The following ZMYND11 variants were observed in gnomAD, a reference collection of about 807,000 sequenced individuals.
ZMYND11 encodes the protein zinc finger MYND-type containing 11, also known as zinc finger MYND domain-containing protein 11.
ZMYND11 carries 9 observed loss-of-function variants against 84.9 expected under a neutral mutation model. That is an observed-to-expected ratio of 0.11 (90% CI 0.06 to 0.18). ZMYND11 has a LOEUF of 0.18. Ranked by LOEUF, ZMYND11 falls within the 10% of genes least tolerant of loss-of-function variation. The pLI, the probability that ZMYND11 is intolerant of heterozygous loss-of-function variation, is 1.00. For missense variants in ZMYND11, 409 were observed against 761.0 expected (o/e 0.54, Z 5.44); for synonymous variants, 250 against 244.1 (o/e 1.02, Z -0.23).
chr10:161,165 C>A (rs1842878096), intron 1 of ZMYND11, among the ~76,000 whole-genome samples: 1 of 152,028 alleles, frequency 6.6e-6, no homozygotes, highest in Admixed American at 6.6e-5. Flanking sequence ...GAAGGGATGT[C>A]ATGTTAGCCA....
At chr10:158,412 C>CTTTTTTTTTTTTTTTT (rs372896551) in intron 1 of ZMYND11, among the ~76,000 whole-genome samples, 2 of 142,480 alleles carry the variant, frequency 1.4e-5, no homozygotes, top group Non-Finnish European at 3.1e-5. Context: ...TTGTCTTTTC[C>CTTTTTTTTTTTTTTTT]TTTTTTTTTT....
intron 14 of ZMYND11, among the ~76,000 whole-genome samples, chr10:251,872 G>C (rs779563119): frequency 6.6e-6 from 1 of 151,280 alleles, no homozygotes; most frequent in Admixed American, 6.6e-5. Context: ...TGAAGACTGA[G>C]ACTTGGCCAC....
intron 1 of ZMYND11, among the ~76,000 whole-genome samples, chr10:147,029 G>A (rs923157176): frequency 1.3e-5 from 2 of 152,204 alleles, no homozygotes; most frequent in East Asian, 3.8e-4. Context: ...AGCAGTGTGA[G>A]AATGGACTAA....
At chr10:171,287 C>T (rs556736524) in intron 1 of ZMYND11, among the ~76,000 whole-genome samples, 2 of 152,034 alleles carry the variant, frequency 1.3e-5, no homozygotes, top group East Asian at 1.9e-4. Flanking sequence ...TTGGTAAGGA[C>T]GTAGTTGAAC....
chr10:148,976 G>A (rs1839599608), intron 1 of ZMYND11, among the ~76,000 whole-genome samples: 1 of 152,142 alleles, frequency 6.6e-6, no homozygotes, highest in South Asian at 2.1e-4. Context: ...AATTGCTGCT[G>A]AGTTAGAATT....
At chr10:197,476 A>G (rs1942095309) in intron 2 of ZMYND11, among the ~76,000 whole-genome samples, 2 of 152,256 alleles carry the variant, frequency 1.3e-5, no homozygotes, top group South Asian at 4.1e-4. Flanking sequence ...AAATAGAGCC[A>G]CAAGTAAGGC....
intron 10 of ZMYND11, among the ~76,000 whole-genome samples, chr10:244,274 A>G (rs1951670422): frequency 6.6e-6 from 1 of 152,200 alleles, no homozygotes; most frequent in South Asian, 2.1e-4. Context: ...ACTGGTTGCA[A>G]GTTTTGGCTA....
intron 8 of ZMYND11, 131 bp from the exon 9 acceptor site, chr10:240,762 G>A: frequency 1.4e-6 from 1 of 706,392 alleles, no homozygotes; most frequent in Non-Finnish European, 2.3e-6. Flanking sequence ...TAAAATTTAG[G>A]CTTAAAAGAT....
Position 219,981 on chromosome 10 carries a change from G to A in ZMYND11, c.277-1214G>A, listed in dbSNP as rs772465946. On this transcript the variant is annotated intron_variant, in intron 3 of 14. Transcript: ENST00000381604. ...AAGACATGAATTTTTGAACATTCAT[G>A]TATCTCTTCTCTTTTGAAGGACTGG... Among the ~76,000 whole-genome samples the A allele has an allele frequency of 7.9e-5, 12 of 152,116 alleles. 1 individual carries two copies. Among genetic ancestry groups the A allele is most frequent in the Admixed American group, 3.3e-4 (5 of 15,254 alleles).
intron 2 of ZMYND11, among the ~76,000 whole-genome samples, chr10:203,079 A>G (rs1363880873): frequency 1.3e-5 from 2 of 152,230 alleles, no homozygotes; most frequent in Non-Finnish European, 2.9e-5. Context: ...TTTTATATTT[A>G]TAAGATATGT....
chr10:228,316 G>C (rs1200651850), intron 4 of ZMYND11, among the ~76,000 whole-genome samples: 1 of 152,190 alleles, frequency 6.6e-6, no homozygotes, highest in Non-Finnish European at 1.5e-5. Context: ...TGGCCTTTGT[G>C]ATCTATGTTT....
intron 4 of ZMYND11, among the ~76,000 whole-genome samples, chr10:230,324 T>G (rs1016938058): frequency 6.6e-6 from 1 of 151,278 alleles, no homozygotes; most frequent in Non-Finnish European, 1.5e-5. Flanking sequence ...AATACAAAAA[T>G]TAGCCCAGCA....
At chr10:208,715 G>A (rs368459111) in intron 2 of ZMYND11, among the ~76,000 whole-genome samples, 13 of 152,196 alleles carry the variant, frequency 8.5e-5, no homozygotes, top group African/African-American at 3.1e-4. Flanking sequence ...AAGAGAGGTG[G>A]GAATTATGAT....
At chr10:177,442 T>C (rs1232242872) in intron 1 of ZMYND11, among the ~76,000 whole-genome samples, 2 of 152,224 alleles carry the variant, frequency 1.3e-5, no homozygotes, top group South Asian at 2.1e-4. Flanking sequence ...TCAAAATCTT[T>C]GATTTTTAAC....
At chr10:249,265 C>G in intron 14 of ZMYND11, 177 bp downstream of exon 14, 2 of 1,442,820 alleles carry the variant, frequency 1.4e-6, no homozygotes, top group Non-Finnish European at 1.8e-6. Context: ...CTCTCAACCC[C>G]AGATCCCATA....
chr10:182,246 A>G (rs1029615686), intron 2 of ZMYND11, among the ~76,000 whole-genome samples: 2 of 152,198 alleles, frequency 1.3e-5, no homozygotes, highest in Non-Finnish European at 2.9e-5. Context: ...CTGTTGGATT[A>G]TTACAACACG....
At chr10:175,102 TG>T (rs1171802259) in intron 1 of ZMYND11, among the ~76,000 whole-genome samples, 2 of 152,174 alleles carry the variant, frequency 1.3e-5, no homozygotes, top group Non-Finnish European at 2.9e-5. Flanking sequence ...CTGTGGACCT[TG>T]GGTCATAATG....
intron 4 of ZMYND11, among the ~76,000 whole-genome samples, chr10:236,147 T>C (rs1949921718): frequency 6.6e-6 from 1 of 152,226 alleles, no homozygotes; most frequent in African/African-American, 2.4e-5. Context: ...TGCCTTTGCT[T>C]CCTTTAGGCT....
At chr10:196,086 T>C (rs1482420095) in intron 2 of ZMYND11, among the ~76,000 whole-genome samples, 1 of 152,220 alleles carries the variant, frequency 6.6e-6, no homozygotes, top group Admixed American at 6.5e-5. Flanking sequence ...TTCCACTGTT[T>C]TAGGTAATTC....
Sources: gnomAD v4.1 joint callset for allele counts (sites outside exome capture counted in the v4.1 genomes callset) on GRCh38, gnomAD v4.1.1 for gene constraint, MANE v1.5 for transcripts, NCBI Gene and HGNC (gene_info 2026-07-23, HGNC 2026-07-21) for gene names.